Variants in UVRAG observed in about 807,000 individuals in gnomAD.
UVRAG encodes the protein UV radiation resistance-associated gene protein.
UVRAG carries 19 observed loss-of-function variants against 78.0 expected under a neutral mutation model. The observed-to-expected ratio is 0.24, with a 90% CI of 0.17 to 0.36. The LOEUF (loss-of-function observed/expected upper bound fraction) is 0.36. Ranked by LOEUF, UVRAG falls within the 10% of genes least tolerant of loss-of-function variation. The probability of loss-of-function intolerance (pLI) is 1.00; values close to 1 mark genes in which losing one functional copy is unlikely to be tolerated. For missense variants in UVRAG, 740 were observed against 853.8 expected (o/e 0.87, Z 1.66); for synonymous variants, 323 against 324.6 (o/e 1.00, Z 0.05).
chr11:76,011,929 C>G (rs1418921004), intron 11 of UVRAG, among the ~76,000 whole-genome samples: 3 of 152,142 alleles, frequency 2.0e-5, no homozygotes, highest in African/African-American at 4.8e-5. Flanking sequence ...ATCAGGAAAA[C>G]TTTTATAGAG....
chr11:76,071,041 A>G (rs964518280), intron 13 of UVRAG, among the ~76,000 whole-genome samples: 1 of 152,238 alleles, frequency 6.6e-6, no homozygotes, highest in African/African-American at 2.4e-5. Flanking sequence ...ATATCTCAAT[A>G]AAGCTGTTTT....
chr11:76,139,999 A>AG (rs1952676680), intron 14 of UVRAG, among the ~76,000 whole-genome samples: 2 of 150,744 alleles, frequency 1.3e-5, no homozygotes, highest in African/African-American at 4.9e-5. Context: ...TTTAAAAAAA[A>AG]AAAAGGAACC....
intron 13 of UVRAG, 110 bp from the exon 14 acceptor site, chr11:76,115,814 A>G: frequency 1.0e-6 from 1 of 965,956 alleles, no homozygotes; most frequent in Non-Finnish European, 1.6e-6. Context: ...AGTATCAAAC[A>G]TTTACATTTC....
At position 75,828,774 on chromosome 11, in the gene UVRAG, T is replaced by TATAC. The variant is rs1555069668; in HGVS notation, c.117+13251_117+13252insTACA. On this transcript the variant is annotated intron_variant, in intron 1 of 14. Coordinates refer to ENST00000356136, the MANE Select transcript of UVRAG (RefSeq NM_003369.4). ...ACACACATATATATATATATATATA[T>TATAC]ACACACATATATATATATATATATA... 1.4e-4 allele frequency among the ~76,000 whole-genome samples: 14 copies of TATAC among 100,836 alleles called. 1 individual carries two copies. Among genetic ancestry groups the TATAC allele is most frequent in the East Asian group, 3.1e-4 (1 of 3,250 alleles). The allele number at this position is 100,836 out of a possible 152,430, so 66.2% of individuals were successfully genotyped here. A position where few individuals can be genotyped will look rare whatever the true frequency, so the allele number is the denominator to read the frequency against.
Position 76,141,358 on chromosome 11 carries a change from C to T in UVRAG, c.2045C>T (p.Ala682Val), listed in dbSNP as rs947343022. ...EFEEFSRRIY[A>V]LNENVSSFRR... is the part of the protein sequence containing the mutation. ...GAAGAGTTCTCCCGAAGGATCTATGCACTGAATGAAAACGTATCCAGCTTC... is the reference window on the plus strand; with the variant it reads ...GAAGAGTTCTCCCGAAGGATCTATGTACTGAATGAAAACGTATCCAGCTTC... Residue 682 changes from alanine to valine, a missense_variant, in exon 15 of 15, where the codon GCA becomes GTA. Ala to Val is a moderately conservative substitution (Grantham distance 64). Coordinates refer to ENST00000356136, the MANE Select transcript of UVRAG (RefSeq NM_003369.4). 2.1e-5 allele frequency: 34 copies of T among 1,614,046 alleles called. No homozygotes were observed. Among genetic ancestry groups the T allele is most frequent in the Non-Finnish European group, 2.7e-5 (32 of 1,180,058 alleles).
chr11:75,817,457 C>T (rs1945283951), intron 1 of UVRAG, among the ~76,000 whole-genome samples: 1 of 152,094 alleles, frequency 6.6e-6, no homozygotes, highest in Non-Finnish European at 1.5e-5. Flanking sequence ...TATATAGTGG[C>T]TTAAGTGTAC....
At chr11:75,990,624 A>G (rs1949586610) in intron 8 of UVRAG, among the ~76,000 whole-genome samples, 1 of 152,184 alleles carries the variant, frequency 6.6e-6, no homozygotes, top group South Asian at 2.1e-4. Flanking sequence ...TTACTTAAGT[A>G]TGCTTTGTTC....
chr11:75,964,045 C>A (rs976812094), intron 7 of UVRAG, among the ~76,000 whole-genome samples: 1 of 152,126 alleles, frequency 6.6e-6, no homozygotes, highest in Non-Finnish European at 1.5e-5. Context: ...AGGTGAAATA[C>A]ATTGGTTGAT....
At chr11:76,110,125 A>C (rs746156007) in intron 13 of UVRAG, among the ~76,000 whole-genome samples, 4 of 151,642 alleles carry the variant, frequency 2.6e-5, no homozygotes, top group Non-Finnish European at 5.9e-5. Context: ...TTAAGTGGTA[A>C]GCCATTATTG....
At chr11:75,866,587 T>C (rs1946545975) in intron 3 of UVRAG, among the ~76,000 whole-genome samples, 1 of 151,744 alleles carries the variant, frequency 6.6e-6, no homozygotes, top group East Asian at 1.9e-4. Flanking sequence ...ATAAAAAACT[T>C]TGTGCTTTTT....
chr11:76,084,661 A>G (rs1951552769), intron 13 of UVRAG, among the ~76,000 whole-genome samples: 1 of 152,170 alleles, frequency 6.6e-6, no homozygotes, highest in Non-Finnish European at 1.5e-5. Context: ...TTTTGGATAT[A>G]CCAGCCAAAA....
intron 13 of UVRAG, among the ~76,000 whole-genome samples, chr11:76,091,506 A>T (rs1224922195): frequency 6.6e-6 from 1 of 151,780 alleles, no homozygotes; most frequent in South Asian, 2.1e-4. Flanking sequence ...TATCGTTTAG[A>T]TATTAGGTTT....
At chr11:76,132,004 T>G (rs2134500978) in intron 14 of UVRAG, among the ~76,000 whole-genome samples, 1 of 152,390 alleles carries the variant, frequency 6.6e-6, no homozygotes, top group Middle Eastern at 3.4e-3. Flanking sequence ...TCATAATTTC[T>G]TAGCTGCCAA....
At chr11:75,830,111 A>G (rs533784582) in intron 1 of UVRAG, among the ~76,000 whole-genome samples, 1 of 152,246 alleles carries the variant, frequency 6.6e-6, no homozygotes, top group South Asian at 2.1e-4. Context: ...AAGTGCTGGG[A>G]TTACAGATGT....
chr11:75,949,755 A>T (rs1235212888), intron 6 of UVRAG, among the ~76,000 whole-genome samples: 1 of 149,638 alleles, frequency 6.7e-6, no homozygotes, highest in African/African-American at 2.5e-5. Flanking sequence ...ATATACACAC[A>T]TATGTATACA....
intron 7 of UVRAG, among the ~76,000 whole-genome samples, chr11:75,976,181 A>C (rs12071081): frequency 1.3e-5 from 2 of 152,042 alleles, no homozygotes; most frequent in Admixed American, 6.5e-5. Context: ...ATTGATTTGC[A>C]TATGTTGAAC....
At chr11:76,107,928 CTTTGATGCATATGTGCAT>C (rs1258727343) in intron 13 of UVRAG, among the ~76,000 whole-genome samples, 1 of 151,958 alleles carries the variant, frequency 6.6e-6, no homozygotes, top group African/African-American at 2.4e-5. Context: ...AAAGTTAAAT[CTTTGATGCATATGTGCAT>C]TTTTCATTTC....
intron 13 of UVRAG, among the ~76,000 whole-genome samples, chr11:76,094,665 C>G (rs926217116): frequency 6.6e-6 from 1 of 152,088 alleles, no homozygotes; most frequent in African/African-American, 2.4e-5. Flanking sequence ...TTATAGTATT[C>G]TCTGATGGTA....
intron 7 of UVRAG, among the ~76,000 whole-genome samples, chr11:75,972,268 T>C (rs1949138407): frequency 1.3e-5 from 2 of 152,274 alleles, no homozygotes; most frequent in African/African-American, 4.8e-5. Context: ...TTGCTTTTGG[T>C]GTTATGTCTA....
Sources: gnomAD v4.1 joint callset for allele counts (sites outside exome capture counted in the v4.1 genomes callset) on GRCh38, gnomAD v4.1.1 for gene constraint, MANE v1.5 for transcripts, NCBI Gene and HGNC (gene_info 2026-07-23, HGNC 2026-07-21) for gene names.